The following U2SURP variants were observed in gnomAD, a reference collection of about 807,000 sequenced individuals.
U2SURP encodes the protein U2 snRNP-associated SURP motif-containing protein.
A neutral mutation model predicts 144.9 loss-of-function variants in U2SURP; 9 were observed. The observed-to-expected ratio is 0.06, with a 90% CI of 0.04 to 0.11. The LOEUF is 0.11. U2SURP is among the 10% of genes least tolerant of loss of function. The pLI is 1.00. For missense variants in U2SURP, 724 were observed against 1,226.7 expected (o/e 0.59, Z 6.12); for synonymous variants, 408 against 396.8 (o/e 1.03, Z -0.33).
chr3:143,007,022 A>G (rs1016201740), intron 1 of U2SURP, among the ~76,000 whole-genome samples: 2 of 152,130 alleles, frequency 1.3e-5, no homozygotes, highest in East Asian at 3.9e-4. Flanking sequence ...TTAAAGTAAA[A>G]TTGGAGCAGC....
intron 24 of U2SURP, among the ~76,000 whole-genome samples, chr3:143,046,837 ACCT>A (rs1934495438): frequency 7.9e-6 from 1 of 125,810 alleles, no homozygotes; most frequent in South Asian, 2.7e-4. Context: ...TGTTGGGTAC[ACCT>A]CCCAGACGGG....
intron 1 of U2SURP, among the ~76,000 whole-genome samples, chr3:143,010,397 A>C (rs1283725651): frequency 3.9e-5 from 6 of 152,170 alleles, no homozygotes; most frequent in Non-Finnish European, 8.8e-5. Context: ...GGATTTCTTT[A>C]TGTGGCTTTG....
chr3:143,028,928 A>G (rs894047402), intron 16 of U2SURP, among the ~76,000 whole-genome samples: 1 of 152,130 alleles, frequency 6.6e-6, no homozygotes, highest in South Asian at 2.1e-4. Flanking sequence ...ATTCTTACAG[A>G]AATTATTGGA....
intron 13 of U2SURP, chr3:143,026,411 A>T (rs955061592): frequency 6.6e-6 from 1 of 152,184 alleles, no homozygotes. Flanking sequence ...GGCTTTGGCA[A>T]CATAATTTCT....
rs1935304298 is a variant in U2SURP at position 143,059,847 on chromosome 3, ACAAAGTG to A, written c.*3399_*3405del. ...CACGTGACTGTAAAATCTCACATTT[ACAAAGTG>A]CTTGATCTCTTCATATTTCACACGC... On this transcript the variant is annotated 3_prime_UTR_variant, in exon 28 of 28. Transcript: ENST00000473835. 6.6e-6 allele frequency: 1 copy of A among 152,396 alleles called. No homozygotes were observed. Among genetic ancestry groups the A allele is most frequent in the African/African-American group, 2.4e-5 (1 of 41,440 alleles). 9.4% of individuals were successfully genotyped at this position (152,396 alleles called of 1,614,324 possible). A position where few individuals can be genotyped will look rare whatever the true frequency, so the allele number is the denominator to read the frequency against.
chr3:143,003,925 C>G (rs1935680804), intron 1 of U2SURP, among the ~76,000 whole-genome samples: 1 of 152,074 alleles, frequency 6.6e-6, no homozygotes, highest in African/African-American at 2.4e-5. Context: ...CTCTTGACCT[C>G]GTGATCCACC....
chr3:143,049,847 G>C (rs755178403), intron 24 of U2SURP, among the ~76,000 whole-genome samples: 1 of 152,004 alleles, frequency 6.6e-6, no homozygotes, highest in Non-Finnish European at 1.5e-5. Flanking sequence ...ACTTATTGCA[G>C]GTTTTTCCTC....
In U2SURP at chr3:143,060,337, G is replaced by A. The variant is rs1229126668; in HGVS notation, c.*3887G>A. ...ATCAGTTGGGCTAAAATATTCTACA[G>A]CAAGACAATTTCTTTTGGGTGAACT... On this transcript the variant is annotated 3_prime_UTR_variant, in exon 28 of 28. Coordinates refer to ENST00000473835, the MANE Select transcript of U2SURP (RefSeq NM_001080415.2). 6.6e-6 allele frequency: 1 copy of A among 151,964 alleles called. No individual in the cohort carries two copies. Among genetic ancestry groups the A allele is most frequent in the Non-Finnish European group, 1.5e-5 (1 of 67,886 alleles). 9.4% of individuals were successfully genotyped at this position (151,964 alleles called of 1,614,324 possible). A position where few individuals can be genotyped will look rare whatever the true frequency, so the allele number is the denominator to read the frequency against.
chr3:143,051,166 A>C, intron 25 of U2SURP, 117 bp downstream of exon 25: 1 of 601,068 alleles, frequency 1.7e-6, no homozygotes. Context: ...AATTTTGAAT[A>C]CTAGTAGGGC....
In U2SURP at chr3:143,028,644, A is replaced by G. The variant is rs759668512; in HGVS notation, c.1608A>G (p.Glu536=). 11 of 1,591,904 alleles carry G rather than the reference A, an allele frequency of 6.9e-6. No individual in the cohort carries two copies. The highest frequency in any genetic ancestry group is 1.7e-4 in the Middle Eastern group (1 of 5,960). The change falls in exon 16 of 28, where the codon GAA becomes GAG. Residue 536 remains glutamate (E), a splice_region_variant and synonymous_variant. Transcript: ENST00000473835. ...EEPSKKGALK[E]EQRDKLEEIL... ...CTAGTAAAAAGGGAGCACTTAAGGA[A>G]GAGTAAGATATTTTTCCTTTCTATT...
intron 24 of U2SURP, 40 bp downstream of exon 24, chr3:143,043,316 T>C: frequency 6.5e-7 from 1 of 1,547,282 alleles, no homozygotes; most frequent in Non-Finnish European, 8.7e-7. Context: ...CTTTATTGGC[T>C]TTTCACTTTC....
In U2SURP at chr3:143,057,869, C is replaced by G. The variant is rs1935221449; in HGVS notation, c.*1419C>G. ...ATGTGCACCCATGGTTTGGAGAGTTCCTATATTAGCTGAGCAGTGAGATAC... is the reference window on the plus strand; with the variant it reads ...ATGTGCACCCATGGTTTGGAGAGTTGCTATATTAGCTGAGCAGTGAGATAC... On this transcript the variant is annotated 3_prime_UTR_variant, in exon 28 of 28. Coordinates refer to ENST00000473835, the MANE Select transcript of U2SURP (RefSeq NM_001080415.2). 1 of 152,188 alleles carries G rather than the reference C, an allele frequency of 6.6e-6. No individual in the cohort carries two copies. Among genetic ancestry groups the G allele is most frequent in the African/African-American group, 2.4e-5 (1 of 41,384 alleles). The allele number at this position is 152,188 out of a possible 1,614,324, so 9.4% of individuals were successfully genotyped here.
intron 6 of U2SURP, 68 bp from the exon 7 acceptor site, chr3:143,019,901 T>A: frequency 4.9e-6 from 4 of 812,266 alleles, no homozygotes; most frequent in Non-Finnish European, 7.2e-6. Context: ...GTAAAAAGGC[T>A]CTTATTATTG....
rs768982556 is a variant in U2SURP at position 143,053,759 on chromosome 3, G to A, written c.2739G>A (p.Lys913=). The change falls in exon 26 of 28, where the codon AAG becomes AAA. Residue 913 remains lysine (K), a synonymous_variant. Coordinates refer to ENST00000473835, the MANE Select transcript of U2SURP (RefSeq NM_001080415.2). ...TGGAATCTCGCTCCAAAGACAAGAAGGAAAAAGATGAGTGTACTCCGACAA... is the reference window on the plus strand; with the variant it reads ...TGGAATCTCGCTCCAAAGACAAGAAAGAAAAAGATGAGTGTACTCCGACAA... ...EKLESRSKDK[K]EKDECTPTRK... is the part of the protein sequence containing the mutation. 6.2e-7 allele frequency: 1 copy of A among 1,607,746 alleles called. No homozygotes were observed. Among genetic ancestry groups the A allele is most frequent in the Non-Finnish European group, 8.5e-7 (1 of 1,177,310 alleles).
At chr3:143,035,937 T>C in intron 19 of U2SURP, 45 bp from the exon 20 acceptor site, 1 of 1,552,390 alleles carries the variant, frequency 6.4e-7, no homozygotes, top group Admixed American at 2.1e-5. Flanking sequence ...ATTTGAGACA[T>C]ATAGCCCAAA....
chr3:143,021,426 A>C, intron 9 of U2SURP, 41 bp downstream of exon 9: 2 of 1,609,276 alleles, frequency 1.2e-6, no homozygotes, highest in African/African-American at 1.3e-5. Context: ...AAATTTTCCA[A>C]ACTTTATGTT....
At chr3:143,039,292 G>A (rs905777883) in intron 23 of U2SURP, among the ~76,000 whole-genome samples, 3 of 151,804 alleles carry the variant, frequency 2.0e-5, no homozygotes, top group Admixed American at 1.3e-4. Flanking sequence ...AATGTGAATA[G>A]GAAAGGTTAT....
In U2SURP at chr3:143,001,624, T is replaced by C; in HGVS notation, c.-5T>C. 3 of 1,613,968 alleles carry C rather than the reference T, an allele frequency of 1.9e-6. No individual in the cohort carries two copies. The highest frequency in any genetic ancestry group is 2.5e-6 in the Non-Finnish European group (3 of 1,179,898). ...GCCGCCGCCGAAGGAGGGGCAAAGC[T>C]CAAGATGGCGGACAAAACGCCAGGC... is the stretch of plus-strand genomic sequence containing the variant. On this transcript the variant is annotated 5_prime_UTR_variant, in exon 1 of 28. Coordinates refer to ENST00000473835, the MANE Select transcript of U2SURP (RefSeq NM_001080415.2).
chr3:143,038,772 CAT>C (rs1004860339), intron 22 of U2SURP, 120 bp from the exon 23 acceptor site: 27 of 626,406 alleles, frequency 4.3e-5, no homozygotes, highest in Middle Eastern at 2.9e-4. Context: ...AATTGATAAA[CAT>C]AGATTAAAAA....
Sources: gnomAD v4.1 joint callset for allele counts (sites outside exome capture counted in the v4.1 genomes callset) on GRCh38, gnomAD v4.1.1 for gene constraint, MANE v1.5 for transcripts, NCBI Gene and HGNC (gene_info 2026-07-23, HGNC 2026-07-21) for gene names.